Variants in HTT observed in about 807,000 individuals in gnomAD.
HTT encodes huntington disease protein.
Under a neutral mutation model 362.3 loss-of-function variants are expected in HTT, and 104 were observed. The ratio of observed to expected loss-of-function variants is 0.29; its 90% CI spans 0.24 to 0.34. The LOEUF (loss-of-function observed/expected upper bound fraction) is 0.34, where lower values mean the gene tolerates loss of function less well. Ranked by LOEUF, HTT falls within the 10% of genes least tolerant of loss-of-function variation. The pLI is 1.00. For synonymous variants in HTT, 1,577 were observed against 1,548.7 expected (o/e 1.02, Z -0.43); for missense variants, 3,301 against 3,928.6 (o/e 0.84, Z 4.27).
intron 19 of HTT, among the ~76,000 whole-genome samples, 174 bp downstream of exon 19, chr4:3,134,714 G>A (rs1257193010): frequency 6.6e-6 from 1 of 152,084 alleles, no homozygotes; most frequent in Non-Finnish European, 1.5e-5. Flanking sequence ...TTTGCCCTAT[G>A]CTTGGAATTT....
At position 3,242,844 on chromosome 4, in the gene HTT, C is replaced by T. The variant is rs1721870040; in HGVS notation, c.*2785C>T. 6.6e-6 allele frequency: 1 copy of T among 152,132 alleles called. No homozygotes were observed. The highest frequency in any genetic ancestry group is 6.5e-5 in the Admixed American group (1 of 15,268). The allele number at this position is 152,132 out of a possible 1,614,324, so 9.4% of individuals were successfully genotyped here. A position where few individuals can be genotyped will look rare whatever the true frequency, so the allele number is the denominator to read the frequency against. On this transcript the variant is annotated 3_prime_UTR_variant, in exon 67 of 67. Coordinates refer to ENST00000355072, the MANE Select transcript of HTT (RefSeq NM_001388492.1). ...CAATGCACTGAAGCGTGTTTCTTTC[C>T]CAAAATGTGCCTCCCTTCCGCTGCG... is the stretch of plus-strand genomic sequence containing the variant.
At chr4:3,178,108 T>C (rs528488349) in intron 34 of HTT, among the ~76,000 whole-genome samples, 190 bp from the exon 35 acceptor site, 2 of 152,308 alleles carry the variant, frequency 1.3e-5, no homozygotes, top group South Asian at 2.1e-4. Flanking sequence ...CCTTTACACA[T>C]GTCCCTGCTC....
chr4:3,162,788 T>C (rs999577985), intron 29 of HTT, among the ~76,000 whole-genome samples: 2 of 152,244 alleles, frequency 1.3e-5, no homozygotes, highest in African/African-American at 4.8e-5. Context: ...ATCCTGAGAC[T>C]TTGCTGAAGT....
intron 2 of HTT, among the ~76,000 whole-genome samples, chr4:3,089,288 C>T (rs1006893015): frequency 6.6e-6 from 1 of 151,918 alleles, no homozygotes; most frequent in Non-Finnish European, 1.5e-5. Context: ...GAGTCTTGCT[C>T]TGTTGCCCAG....
At position 3,206,582 on chromosome 4, in the gene HTT, A is replaced by G; in HGVS notation, c.5805A>G (p.Pro1935=). 1 of 1,614,156 alleles carries G rather than the reference A, an allele frequency of 6.2e-7. No homozygotes were observed. The highest frequency in any genetic ancestry group is 8.5e-7 in the Non-Finnish European group (1 of 1,180,010). ...QDLISLSHEP[P]VQDFISAVHR... ...TGATCAGCCTTTCCCACGAGCCTCC[A>G]GTACAGGACTTCATCAGTGCCGTTC... The change falls in exon 43 of 67, where the codon CCA becomes CCG. Residue 1935 remains proline, a synonymous_variant. Coordinates refer to ENST00000355072, the MANE Select transcript of HTT (RefSeq NM_001388492.1). This position sits in a 1 kb window ranked among gnomAD's most constrained non-coding sequence, Gnocchi z 4.6.
At chr4:3,230,121 G>A (rs1453140682) in intron 60 of HTT, 79 bp downstream of exon 60, 3 of 1,270,322 alleles carry the variant, frequency 2.4e-6, no homozygotes, top group South Asian at 1.2e-5. Context: ...GTTGGCCAGA[G>A]GTGCCGGGTG....
intron 37 of HTT, among the ~76,000 whole-genome samples, chr4:3,182,976 G>C (rs895326017): frequency 6.6e-6 from 1 of 152,110 alleles, no homozygotes; most frequent in Non-Finnish European, 1.5e-5. Flanking sequence ...TGCCTCCCAG[G>C]TTCAACCAAT....
At chr4:3,169,139 C>T (rs1038660542) in intron 29 of HTT, among the ~76,000 whole-genome samples, 1 of 151,992 alleles carries the variant, frequency 6.6e-6, no homozygotes, top group African/African-American at 2.4e-5. Context: ...CTGCCTCAGC[C>T]TCCTGAGTAG....
intron 60 of HTT, 59 bp downstream of exon 60, chr4:3,230,101 G>A: frequency 6.7e-7 from 1 of 1,483,796 alleles, no homozygotes; most frequent in South Asian, 1.1e-5. Flanking sequence ...CATCTGCCTT[G>A]GGACCTGGTG....
chr4:3,140,538 G>C lies in HTT; in HGVS notation c.2827G>C (p.Asp943His). ...RLVPKLFYKC[D>H]QGQADPVVAV... ...TGTCCCAAAGCTGTTTTATAAATGT[G>C]ACCAAGGACAAGCTGATCCAGTAGT... The change falls in exon 22 of 67, where the codon GAC becomes CAC. Residue 943 changes from aspartate (D) to histidine (H), a missense_variant. Physicochemically the swap from Asp to His is moderately conservative, Grantham distance 81. Coordinates refer to ENST00000355072, the MANE Select transcript of HTT (RefSeq NM_001388492.1). 6.2e-7 allele frequency: 1 copy of C among 1,614,116 alleles called. No individual in the cohort carries two copies. Among genetic ancestry groups the C allele is most frequent in the Non-Finnish European group, 8.5e-7 (1 of 1,179,984 alleles).
rs10012793 is a variant in HTT at position 3,111,298 on chromosome 4, G to T, written c.747+3875G>T. On this transcript the variant is annotated intron_variant, in intron 6 of 66. Coordinates refer to ENST00000355072, the MANE Select transcript of HTT (RefSeq NM_001388492.1). The stretch of plus-strand genomic sequence containing the variant: ...AGCCTCTGCCTCCCAGGTTCAAGCA[G>T]TTCTCCTGCCTCAGCCTCTCAAGTA... 5.3e-5 allele frequency among the ~76,000 whole-genome samples: 8 copies of T among 151,422 alleles called. No homozygotes were observed. In the East Asian group the frequency reaches 1.4e-3, roughly 26 times the overall value.
chr4:3,220,350 T>A (rs757602500), intron 53 of HTT, 42 bp downstream of exon 53: 2 of 1,594,420 alleles, frequency 1.3e-6, no homozygotes, highest in African/African-American at 2.7e-5. Flanking sequence ...TTGTCGGACA[T>A]CTACCGGGAG....
intron 29 of HTT, among the ~76,000 whole-genome samples, chr4:3,169,798 T>A (rs1195919805): frequency 6.6e-6 from 1 of 152,236 alleles, no homozygotes; most frequent in Non-Finnish European, 1.5e-5. Context: ...GGCCTTGAAC[T>A]CCTGACCTCA....
intron 30 of HTT, 30 bp from the exon 31 acceptor site, chr4:3,172,878 A>T: frequency 6.8e-7 from 1 of 1,477,722 alleles, no homozygotes; most frequent in African/African-American, 1.4e-5. Flanking sequence ...TTCACGCCAC[A>T]TTGTTGATGC....
At position 3,147,947 on chromosome 4, in the gene HTT, C is replaced by A. The variant is rs147879252; in HGVS notation, c.3296-58C>A. The stretch of plus-strand genomic sequence containing the variant: ...TCTTAAATGACTTCAGTTCCCCAAG[C>A]AATTTGTCCTTCCCATGCTATTGGG... On this transcript the variant is annotated intron_variant, in intron 25 of 66. Coordinates refer to ENST00000355072, the MANE Select transcript of HTT (RefSeq NM_001388492.1). 4.5e-5 allele frequency: 62 copies of A among 1,382,680 alleles called. No homozygotes were observed. The East Asian group carries it at 1.3e-3, about 30-fold the overall frequency. The allele number at this position is 1,382,680 out of a possible 1,614,324, so 85.7% of individuals were successfully genotyped here.
chr4:3,139,035 A>C (rs1277078857), intron 21 of HTT, among the ~76,000 whole-genome samples: 1 of 152,232 alleles, frequency 6.6e-6, no homozygotes, highest in African/African-American at 2.4e-5. Flanking sequence ...AAGAAAACCA[A>C]AGTTACATTT....
chr4:3,200,584 C>A (rs573033548), intron 41 of HTT, among the ~76,000 whole-genome samples: 1 of 152,296 alleles, frequency 6.6e-6, no homozygotes, highest in Non-Finnish European at 1.5e-5. Context: ...CAAGATCCCA[C>A]GCTGGGGAAA....
chr4:3,121,298 T>G lies in HTT; in HGVS notation c.1139T>G (p.Leu380Trp). 6.2e-7 allele frequency: 1 copy of G among 1,614,200 alleles called. No individual in the cohort carries two copies. The highest frequency in any genetic ancestry group is 8.5e-7 in the Non-Finnish European group (1 of 1,180,028). ...GTTGTGACCGGAGCCCTGGAGCTGT[T>G]GCAGCAGCTCTTCAGAACGCCTCCA... is the stretch of plus-strand genomic sequence containing the variant. ...HNVVTGALEL[L>W]QQLFRTPPPE... The change falls in exon 9 of 67, where the codon TTG becomes TGG. Residue 380 changes from leucine (L) to tryptophan (W), a missense_variant. Coordinates refer to ENST00000355072, the MANE Select transcript of HTT (RefSeq NM_001388492.1).
chr4:3,097,892 T>C (rs1283583988), intron 2 of HTT, among the ~76,000 whole-genome samples: 1 of 152,242 alleles, frequency 6.6e-6, no homozygotes, highest in Admixed American at 6.5e-5. Flanking sequence ...CTGAATTTTA[T>C]GAAGTCTAAT....
Sources: gnomAD v4.1 joint callset for allele counts (sites outside exome capture counted in the v4.1 genomes callset) on GRCh38, gnomAD v4.1.1 for gene constraint, Gnocchi (gnomAD v3.1) non-coding constraint, MANE v1.5 for transcripts, NCBI Gene and HGNC (gene_info 2026-07-23, HGNC 2026-07-21) for gene names.